Variants in FITM2 observed in about 807,000 individuals in gnomAD.
FITM2 encodes acyl-coenzyme A diphosphatase FITM2.
FITM2 carries 16 observed loss-of-function variants against 23.3 expected under a neutral mutation model. The ratio of observed to expected loss-of-function variants is 0.69; its 90% CI spans 0.47 to 1.05. The LOEUF is 1.05. Among genes scored for constraint, FITM2 ranks in the 50% least tolerant of loss-of-function variants. The pLI is 0.00. For synonymous variants in FITM2, 132 were observed against 142.0 expected (o/e 0.93, Z 0.50); for missense variants, 273 against 327.5 (o/e 0.83, Z 1.29).
intron 1 of FITM2, among the ~76,000 whole-genome samples, chr20:44,308,642 C>G (rs187623038): frequency 2.6e-5 from 4 of 152,240 alleles, no homozygotes; most frequent in Admixed American, 2.6e-4. Flanking sequence ...CTCAAGCAAT[C>G]CTCCTGCCTC....
In FITM2 at chr20:44,307,181, A is replaced by G; in HGVS notation, c.233T>C (p.Leu78Pro). The change falls in exon 2 of 2, where the codon CTC (leucine) becomes CCC (proline). Residue 78 changes from leucine (L) to proline (P), a missense_variant. By Grantham distance (98) the Leu-to-Pro change is moderately conservative. Coordinates refer to ENST00000396825, the MANE Select transcript of FITM2 (RefSeq NM_001080472.4). Reference protein sequence around the residue: ...TFCLLLPFIALTNYHLTGKAG... With the variant: ...TFCLLLPFIAPTNYHLTGKAG... Reference sequence around the variant, plus strand: ...CTTGCCGGTCAGATGGTAGTTGGTGAGGGCAATGAAAGGCAGAAGGAGACA... The same window carrying G: ...CTTGCCGGTCAGATGGTAGTTGGTGGGGGCAATGAAAGGCAGAAGGAGACA... 6.2e-7 allele frequency: 1 copy of G among 1,614,178 alleles called. No homozygotes were observed. Among genetic ancestry groups the G allele is most frequent in the Non-Finnish European group, 8.5e-7 (1 of 1,180,034 alleles).
chr20:44,307,114 G>A lies in FITM2; in HGVS notation c.300C>T (p.Gly100=), dbSNP rs1460352748. Residue 100 remains glycine, a synonymous_variant, in exon 2 of 2, where the codon GGC becomes GGT. Coordinates refer to ENST00000396825, the MANE Select transcript of FITM2 (RefSeq NM_001080472.4). ...VLRRLSTLLV[G]TAIWYICTSI... is the part of the protein sequence containing the mutation. ...AGGTGCAGATGTACCAGATGGCCGTGCCCACAAGCAGGGTGCTCAGCCGCC... is the reference window on the plus strand; with the variant it reads ...AGGTGCAGATGTACCAGATGGCCGTACCCACAAGCAGGGTGCTCAGCCGCC... 6.2e-7 allele frequency: 1 copy of A among 1,614,212 alleles called. No individual in the cohort carries two copies. The highest frequency in any genetic ancestry group is 8.5e-7 in the Non-Finnish European group (1 of 1,180,020).
chr20:44,302,991 T>G lies in FITM2; in HGVS notation c.*3634A>C, dbSNP rs1212080777. On this transcript the variant is annotated 3_prime_UTR_variant, in exon 2 of 2. Transcript: ENST00000396825. ...AAAATGAGGCGTCAGTGAATTAATCTCAACATAGAAAGGCAAAATAAGCAT... is the reference window on the plus strand; with the variant it reads ...AAAATGAGGCGTCAGTGAATTAATCGCAACATAGAAAGGCAAAATAAGCAT... The G allele has an allele frequency of 6.6e-6, 1 of 152,172 alleles. No homozygotes were observed. Among genetic ancestry groups the G allele is most frequent in the Admixed American group, 6.5e-5 (1 of 15,276 alleles). 9.4% of individuals were successfully genotyped at this position (152,172 alleles called of 1,614,324 possible).
rs778391462 is a variant in FITM2 at position 44,306,994 on chromosome 20, G to A, written c.420C>T (p.Cys140=). ...CATGCCAAAAGCCCCCTTCCTGGTG[G>A]CACTGCTGCTTGCTCTGGTGTTCCT... ...VRKEHQSKQQ[C]HQEGGFWHGF... The change falls in exon 2 of 2, where the codon TGC becomes TGT. Residue 140 remains cysteine, a synonymous_variant. Transcript: ENST00000396825. 2.6e-5 allele frequency: 42 copies of A among 1,614,218 alleles called. No individual in the cohort carries two copies. The highest frequency in any genetic ancestry group is 3.3e-4 in the Middle Eastern group (2 of 6,062).
intron 1 of FITM2, among the ~76,000 whole-genome samples, chr20:44,309,737 C>T (rs2062699948): frequency 6.6e-6 from 1 of 152,160 alleles, no homozygotes; most frequent in South Asian, 2.1e-4. Flanking sequence ...GAACAAAACT[C>T]CAGGATCCAT....
rs756525053 is a variant in FITM2, at chr20:44,306,991, G to A, written c.423C>T (p.His141=). Residue 141 remains histidine, a synonymous_variant, in exon 2 of 2, where the codon CAC becomes CAT. Transcript: ENST00000396825. The part of the protein sequence containing the change: ...RKEHQSKQQC[H]QEGGFWHGFD... ...AGCCATGCCAAAAGCCCCCTTCCTG[G>A]TGGCACTGCTGCTTGCTCTGGTGTT... The A allele has an allele frequency of 2.5e-6, 4 of 1,614,178 alleles. No homozygotes were observed. The highest frequency in any genetic ancestry group is 3.4e-6 in the Non-Finnish European group (4 of 1,180,034).
At chr20:44,310,675 G>A (rs961636660) in intron 1 of FITM2, among the ~76,000 whole-genome samples, 13 of 152,114 alleles carry the variant, frequency 8.5e-5, no homozygotes, top group African/African-American at 2.7e-4. Flanking sequence ...GACAGGGGCT[G>A]GTTCATCCCC....
rs146812591 is a variant in FITM2 at position 44,311,129 on chromosome 20, C to T, written c.20G>A (p.Cys7Tyr). 6.2e-7 allele frequency: 1 copy of T among 1,612,644 alleles called. No individual in the cohort carries two copies. Among genetic ancestry groups the T allele is most frequent in the African/African-American group, 1.3e-5 (1 of 74,912 alleles). Residue 7 changes from cysteine (C) to tyrosine (Y), a missense_variant, in exon 1 of 2, where the codon TGC becomes TAC. Around this residue, in one of 3 missense-constraint regions of FITM2, gnomAD observed 123 missense variants for 117.9 expected, o/e 1.04. Transcript: ENST00000396825. Reference sequence around the variant, plus strand: ...CAGCGTCCCCCGCAACAACCACTCGCAGCGCTCCAGATGCTCCATGCCGGA... The same window carrying T: ...CAGCGTCCCCCGCAACAACCACTCGTAGCGCTCCAGATGCTCCATGCCGGA... MEHLER[C>Y]EWLLRGTLVR...
In FITM2 at chr20:44,310,968, G is replaced by A. The variant is rs777021731; in HGVS notation, c.173+8C>T. On this transcript the variant is annotated splice_region_variant and intron_variant, in intron 1 of 1. Coordinates refer to ENST00000396825, the MANE Select transcript of FITM2 (RefSeq NM_001080472.4). ...GGCGGGGACAGCGGAGGACCGGGGT[G>A]CACTCACACGTTGAGGACGTTGCGC... 2.4e-5 allele frequency: 37 copies of A among 1,544,052 alleles called. No individual in the cohort carries two copies. The East Asian group carries it at 5.7e-4, about 24-fold the overall frequency.
In FITM2 at chr20:44,311,142, G is replaced by C; in HGVS notation, c.7C>G (p.His3Asp). Residue 3 changes from histidine to aspartate, a missense_variant, in exon 1 of 2, where the codon CAT (histidine) becomes GAT (aspartate). Around this residue, in one of 3 missense-constraint regions of FITM2, gnomAD observed 123 missense variants for 117.9 expected, o/e 1.04. Coordinates refer to ENST00000396825, the MANE Select transcript of FITM2 (RefSeq NM_001080472.4). ...AACAACCACTCGCAGCGCTCCAGAT[G>C]CTCCATGCCGGATCTCGTCAGCCAC... ME[H>D]LERCEWLLRG... The C allele has an allele frequency of 6.2e-7, 1 of 1,611,272 alleles. No individual in the cohort carries two copies. Among genetic ancestry groups the C allele is most frequent in the Non-Finnish European group, 8.5e-7 (1 of 1,178,414 alleles).
rs370678726 is a variant in FITM2 at position 44,306,616 on chromosome 20, G to A, written c.*9C>T. 3 of 1,610,412 alleles carry A rather than the reference G, an allele frequency of 1.9e-6. No individual in the cohort carries two copies. The highest frequency in any genetic ancestry group is 1.3e-5 in the African/African-American group (1 of 74,760). ...GCCATTGTCCTTCTGTCCCCCCTCT[G>A]TTACTCTTTTATTTCTTGTAACTAT... On this transcript the variant is annotated 3_prime_UTR_variant, in exon 2 of 2. Coordinates refer to ENST00000396825, the MANE Select transcript of FITM2 (RefSeq NM_001080472.4).
Position 44,302,919 on chromosome 20 carries a change from A to G in FITM2, c.*3706T>C, listed in dbSNP as rs1739231235. 6.6e-6 allele frequency: 1 copy of G among 152,216 alleles called. No homozygotes were observed. The highest frequency in any genetic ancestry group is 2.4e-5 in the African/African-American group (1 of 41,454). 9.4% of individuals were successfully genotyped at this position (152,216 alleles called of 1,614,324 possible). On this transcript the variant is annotated 3_prime_UTR_variant, in exon 2 of 2. Transcript: ENST00000396825. ...TGTGTACATAACAGTGGCAAGAGCC[A>G]TTCTCTAAATACAATCTGGTACCCA...
At chr20:44,309,326 C>T (rs558763001) in intron 1 of FITM2, among the ~76,000 whole-genome samples, 28 of 152,212 alleles carry the variant, frequency 1.8e-4, no homozygotes, top group South Asian at 8.3e-4. Context: ...ATTACAGGCA[C>T]GCACCACCAC....
chr20:44,307,414 CTTTATTTA>C (rs574367544), intron 1 of FITM2, among the ~76,000 whole-genome samples, 174 bp from the exon 2 acceptor site: 46 of 151,996 alleles, frequency 3.0e-4, no homozygotes, highest in African/African-American at 9.2e-4. Flanking sequence ...TTACTAAGTA[CTTTATTTA>C]TTTATTTATT....
intron 1 of FITM2, among the ~76,000 whole-genome samples, chr20:44,309,190 T>C (rs960943011): frequency 2.0e-5 from 3 of 152,038 alleles, no homozygotes; most frequent in South Asian, 4.2e-4. Flanking sequence ...TATTTATTTA[T>C]TTATTTTGAG....
At chr20:44,307,947 C>T (rs1394599503) in intron 1 of FITM2, among the ~76,000 whole-genome samples, 3 of 151,842 alleles carry the variant, frequency 2.0e-5, no homozygotes, top group Non-Finnish European at 4.4e-5. Flanking sequence ...ATTAGCCAGG[C>T]GTGGTGGCGG....
At position 44,306,979 on chromosome 20, in the gene FITM2, G is replaced by A. The variant is rs768143470; in HGVS notation, c.435C>T (p.Gly145=). 2.5e-6 allele frequency: 4 copies of A among 1,614,204 alleles called. No individual in the cohort carries two copies. The highest frequency in any genetic ancestry group is 3.4e-6 in the Non-Finnish European group (4 of 1,180,048). ...QSKQQCHQEG[G]FWHGFDISGH... ...CTGAGATGTCAAAGCCATGCCAAAA[G>A]CCCCCTTCCTGGTGGCACTGCTGCT... is the stretch of plus-strand genomic sequence containing the variant. The change falls in exon 2 of 2, where the codon GGC becomes GGT. Residue 145 remains glycine, a synonymous_variant. Transcript: ENST00000396825.
intron 1 of FITM2, among the ~76,000 whole-genome samples, chr20:44,309,348 T>C (rs1282027501): frequency 6.6e-6 from 1 of 151,918 alleles, no homozygotes; most frequent in African/African-American, 2.4e-5. Flanking sequence ...CCAGGCTAAT[T>C]TTTGTATTTT....
At position 44,307,254 on chromosome 20, in the gene FITM2, A is replaced by G; in HGVS notation, c.174-14T>C. 1 of 1,611,922 alleles carries G rather than the reference A, an allele frequency of 6.2e-7. No homozygotes were observed. The highest frequency in any genetic ancestry group is 8.5e-7 in the Non-Finnish European group (1 of 1,178,364). On this transcript the variant is annotated splice_polypyrimidine_tract_variant and intron_variant, in intron 1 of 1. Coordinates refer to ENST00000396825, the MANE Select transcript of FITM2 (RefSeq NM_001080472.4). ...TTGACAAAATACCTGACAGAGGAGGAAAGTGGAAGTGAAGAGAGGGAACAC... is the reference window on the plus strand; with the variant it reads ...TTGACAAAATACCTGACAGAGGAGGGAAGTGGAAGTGAAGAGAGGGAACAC...
Sources: allele counts gnomAD v4.1 joint callset (sites outside exome capture counted in the v4.1 genomes callset), GRCh38; gene constraint gnomAD v4.1.1; regional missense constraint gnomAD v4.1.1; transcripts MANE v1.5; gene names NCBI Gene and HGNC (gene_info 2026-07-23, HGNC 2026-07-21).